Variants in DCC observed in about 807,000 individuals in gnomAD.
The protein encoded by DCC is netrin receptor DCC.
A neutral mutation model predicts 172.5 loss-of-function variants in DCC; 58 were observed. The observed-to-expected ratio is 0.34, with a 90% confidence interval of 0.27 to 0.42. The LOEUF (loss-of-function observed/expected upper bound fraction) is 0.42, where lower values mean the gene tolerates loss of function less well. DCC is among the 10% of genes least tolerant of loss of function. The pLI is 1.00. For missense variants in DCC, 1,740 were observed against 1,791.0 expected, an observed-to-expected ratio of 0.97 and a Z score of 0.51; for synonymous variants, 709 against 644.5, an observed-to-expected ratio of 1.10 and a Z score of -1.52.
chr18:52,855,550 C>G (rs2039038346), intron 2 of DCC, among the ~76,000 whole-genome samples: 1 of 152,136 alleles, frequency 6.6e-6, no homozygotes, highest in Non-Finnish European at 1.5e-5. Flanking sequence ...TCTAGCTTTA[C>G]CAAGTATTTG....
intron 1 of DCC, among the ~76,000 whole-genome samples, chr18:52,351,091 G>A (rs1448660566): frequency 5.3e-5 from 8 of 152,146 alleles, no homozygotes; most frequent in Non-Finnish European, 1.2e-4. Context: ...CCATGAGAAA[G>A]TGTGACTGAG....
intron 8 of DCC, among the ~76,000 whole-genome samples, chr18:53,177,970 T>G (rs561269850): frequency 2.0e-5 from 3 of 152,330 alleles, no homozygotes; most frequent in African/African-American, 7.2e-5. Flanking sequence ...ATTTTAAATA[T>G]GTCCAAAACC....
intron 9 of DCC, among the ~76,000 whole-genome samples, chr18:53,202,095 C>A (rs1331845757): frequency 1.3e-5 from 2 of 152,164 alleles, no homozygotes; most frequent in African/African-American, 2.4e-5. Context: ...GACCTAGAAG[C>A]AAATGCACTC....
chr18:52,997,283 A>G (rs778105474), intron 5 of DCC, among the ~76,000 whole-genome samples: 16 of 152,262 alleles, frequency 1.1e-4, no homozygotes, highest in South Asian at 4.1e-4. Context: ...TATTCTACTT[A>G]GAATTTTGTT....
intron 5 of DCC, among the ~76,000 whole-genome samples, chr18:52,966,941 A>G (rs1462058668): frequency 6.6e-6 from 1 of 152,222 alleles, no homozygotes; most frequent in Non-Finnish European, 1.5e-5. Flanking sequence ...AGGAAACTCA[A>G]CAGCGATTTG....
At chr18:53,130,634 A>G (rs148770949) in intron 7 of DCC, among the ~76,000 whole-genome samples, 1 of 152,130 alleles carries the variant, frequency 6.6e-6, no homozygotes, top group African/African-American at 2.4e-5. Context: ...AAAATTCCGA[A>G]CAATTGTCTT....
At chr18:53,526,469 A>G (rs1168029684) in intron 27 of DCC, 148 bp from the exon 28 acceptor site, 2 of 856,512 alleles carry the variant, frequency 2.3e-6, no homozygotes, top group African/African-American at 3.3e-5. Flanking sequence ...AAACGAGCCC[A>G]CTCATTGTGT....
intron 15 of DCC, among the ~76,000 whole-genome samples, chr18:53,373,636 T>C (rs544945077): frequency 6.6e-6 from 1 of 152,308 alleles, no homozygotes; most frequent in African/African-American, 2.4e-5. Flanking sequence ...CTTAGAATTA[T>C]CATTAACTTA....
At chr18:53,023,533 T>G (rs1185229960) in intron 5 of DCC, among the ~76,000 whole-genome samples, 1 of 151,694 alleles carries the variant, frequency 6.6e-6, no homozygotes, top group Non-Finnish European at 1.5e-5. Context: ...ACCACGCAAT[T>G]TACCCATTTT....
chr18:52,633,473 C>G (rs2034715142), intron 1 of DCC, among the ~76,000 whole-genome samples: 1 of 152,082 alleles, frequency 6.6e-6, no homozygotes, highest in Non-Finnish European at 1.5e-5. Flanking sequence ...GTTGTGTAGC[C>G]TCAGTCAAAT....
At chr18:52,923,421 C>T (rs1014690135) in intron 3 of DCC, among the ~76,000 whole-genome samples, 1 of 152,056 alleles carries the variant, frequency 6.6e-6, no homozygotes, top group African/African-American at 2.4e-5. Flanking sequence ...TTTTTCTGTT[C>T]TCTAATGCTG....
chr18:53,251,648 C>T (rs1443427949), intron 12 of DCC, among the ~76,000 whole-genome samples: 1 of 151,756 alleles, frequency 6.6e-6, no homozygotes, highest in Non-Finnish European at 1.5e-5. Context: ...AAGTTACATA[C>T]AGCACTATCA....
At chr18:53,123,300 G>A (rs1201020529) in intron 7 of DCC, among the ~76,000 whole-genome samples, 2 of 152,062 alleles carry the variant, frequency 1.3e-5, no homozygotes, top group African/African-American at 4.8e-5. Flanking sequence ...GGATGGTGGA[G>A]GATTGAGTGC....
intron 27 of DCC, among the ~76,000 whole-genome samples, chr18:53,501,044 T>G (rs973032882): frequency 1.3e-5 from 2 of 152,142 alleles, no homozygotes; most frequent in Non-Finnish European, 2.9e-5. Context: ...TATGCTTCCT[T>G]GTGATTTCTG....
intron 1 of DCC, among the ~76,000 whole-genome samples, chr18:52,522,960 T>C (rs141016324): frequency 6.6e-5 from 10 of 152,320 alleles, no homozygotes; most frequent in Admixed American, 2.6e-4. Flanking sequence ...AAGCATGTGA[T>C]AGTCATGGCC....
intron 1 of DCC, among the ~76,000 whole-genome samples, chr18:52,552,126 C>T (rs1186494639): frequency 6.6e-6 from 1 of 151,956 alleles, no homozygotes; most frequent in African/African-American, 2.4e-5. Context: ...AGATACAGAG[C>T]TTACAAAAAG....
intron 1 of DCC, among the ~76,000 whole-genome samples, chr18:52,407,742 T>C (rs1325429415): frequency 1.3e-5 from 2 of 150,396 alleles, no homozygotes; most frequent in East Asian, 3.9e-4. Context: ...TTTCAAAGTG[T>C]TCTCTAAAAT....
chr18:53,506,930 C>G (rs970615942), intron 27 of DCC, among the ~76,000 whole-genome samples: 1 of 151,724 alleles, frequency 6.6e-6, no homozygotes. Flanking sequence ...ACTAGTCTCT[C>G]CATCATGCCA....
rs188689671 is a variant in DCC at position 53,190,749 on chromosome 18, A to G, written c.1573+11633A>G. On this transcript the variant is annotated intron_variant, in intron 9 of 28. Coordinates refer to ENST00000442544, the MANE Select transcript of DCC (RefSeq NM_005215.4). ...ATCACGAGGTCAGGAGATGGAGACTATCCTGGCTAACACGGTGAAACCCCT... is the reference window on the plus strand; with the variant it reads ...ATCACGAGGTCAGGAGATGGAGACTGTCCTGGCTAACACGGTGAAACCCCT... Among the ~76,000 whole-genome samples, 859 of 152,238 alleles carry G rather than the reference A, an allele frequency of 5.6e-3. 7 individuals carry two copies. Among genetic ancestry groups the G allele is most frequent in the Admixed American group, 0.023 (354 of 15,282 alleles).
Sources: allele counts gnomAD v4.1 joint callset (sites outside exome capture counted in the v4.1 genomes callset), GRCh38; gene constraint gnomAD v4.1.1; transcripts MANE v1.5; gene names NCBI Gene and HGNC (gene_info 2026-07-23, HGNC 2026-07-21).